Variants in SRRT observed in about 807,000 individuals in gnomAD.
The protein encoded by SRRT is serrate, RNA effector molecule.
In SRRT, 32 loss-of-function variants were observed where a neutral mutation model predicts 103.2. That is an observed-to-expected ratio of 0.31 (90% confidence interval 0.23 to 0.42). SRRT has a LOEUF of 0.42. SRRT is among the 10% of genes least tolerant of loss of function. The probability of loss-of-function intolerance (pLI) is 1.00; values close to 1 mark genes in which losing one functional copy is unlikely to be tolerated. For synonymous variants in SRRT, 525 were observed against 449.0 expected (o/e 1.17, Z -2.14); for missense variants, 986 against 1,207.5 (o/e 0.82, Z 2.72).
chr7:100,875,580 C>G lies in SRRT; in HGVS notation c.-11C>G. On this transcript the variant is annotated 5_prime_UTR_variant, in exon 2 of 20. Coordinates refer to ENST00000611405, the MANE Select transcript of SRRT (RefSeq NM_015908.6). ...CCTCTCCCCGGTCCCCAGGCCCCCTCAGACCGTGCCATGGGTGACAGTGAT... is the reference window on the plus strand; with the variant it reads ...CCTCTCCCCGGTCCCCAGGCCCCCTGAGACCGTGCCATGGGTGACAGTGAT... 3 of 1,613,856 alleles carry G rather than the reference C, an allele frequency of 1.9e-6. No individual in the cohort carries two copies. The highest frequency in any genetic ancestry group is 1.7e-6 in the Non-Finnish European group (2 of 1,179,820).
At chr7:100,886,997 G>C in intron 14 of SRRT, 29 bp downstream of exon 14, 2 of 1,610,310 alleles carry the variant, frequency 1.2e-6, no homozygotes, top group Non-Finnish European at 1.7e-6. Context: ...GGCACGTGGG[G>C]GCTCGGGCGG....
chr7:100,888,623 T>C lies in SRRT; in HGVS notation c.*74T>C. 6.3e-7 allele frequency: 1 copy of C among 1,590,430 alleles called. No homozygotes were observed. Among genetic ancestry groups the C allele is most frequent in the Non-Finnish European group, 8.6e-7 (1 of 1,158,808 alleles). On this transcript the variant is annotated 3_prime_UTR_variant, in exon 20 of 20. Transcript: ENST00000611405. ...GTCCTATGAAGCTCTGAGAATTTTT[T>C]GTACGATCAGCCTTACTGCTAATAA...
chr7:100,881,196 T>C, intron 2 of SRRT, 89 bp from the exon 3 acceptor site: 2 of 1,453,750 alleles, frequency 1.4e-6, no homozygotes, highest in Non-Finnish European at 1.9e-6. Context: ...GCCTCAAGTG[T>C]TCTCTGCCTC....
In SRRT at chr7:100,885,679, G is replaced by T. The variant is rs758675001; in HGVS notation, c.1318-22G>T. ...GAATGAATCCTTGAGTCACTGTGGG[G>T]CTGCTTTTCTGCTTCTTGCAGCTTT... is the stretch of plus-strand genomic sequence containing the variant. On this transcript the variant is annotated intron_variant, in intron 10 of 19. Transcript: ENST00000611405. The surrounding 1 kb of genome is among the most constrained non-coding windows in gnomAD (Gnocchi z 4.8). The T allele has an allele frequency of 8.8e-6, 14 of 1,596,748 alleles. No homozygotes were observed. Among genetic ancestry groups the T allele is most frequent in the South Asian group, 1.1e-5 (1 of 89,318 alleles).
intron 5 of SRRT, chr7:100,883,171 C>T (rs1047777851): frequency 2.0e-5 from 3 of 152,520 alleles, no homozygotes; most frequent in Non-Finnish European, 4.4e-5. Flanking sequence ...TTCGCTGTCC[C>T]CTCTCTCGAA....
Position 100,885,069 on chromosome 7 carries a change from G to T in SRRT, c.1159+29G>T. 6.2e-7 allele frequency: 1 copy of T among 1,613,234 alleles called. No individual in the cohort carries two copies. The highest frequency in any genetic ancestry group is 8.5e-7 in the Non-Finnish European group (1 of 1,179,850). On this transcript the variant is annotated intron_variant, in intron 9 of 19. Coordinates refer to ENST00000611405, the MANE Select transcript of SRRT (RefSeq NM_015908.6). The surrounding 1 kb of genome is among the most constrained non-coding windows in gnomAD (Gnocchi z 4.8). ...GGGTTTCTTTTCTGCTTTAAAGTGC[G>T]TTCTCCTAATGCGGGTGGGGAGGTG...
At position 100,887,645 on chromosome 7, in the gene SRRT, C is replaced by T. The variant is rs1341173874; in HGVS notation, c.2170-58C>T. 2 of 1,582,228 alleles carry T rather than the reference C, an allele frequency of 1.3e-6. No homozygotes were observed. The highest frequency in any genetic ancestry group is 1.3e-5 in the African/African-American group (1 of 74,306). The stretch of plus-strand genomic sequence containing the variant: ...GAGCTGGGAATCCTTCCAGCTCGGG[C>T]CTGGGAGCGAGGCAACCCTTATGTG... On this transcript the variant is annotated intron_variant, in intron 16 of 19. Coordinates refer to ENST00000611405, the MANE Select transcript of SRRT (RefSeq NM_015908.6). The surrounding 1 kb of genome is among the most constrained non-coding windows in gnomAD (Gnocchi z 4.1).
Position 100,885,457 on chromosome 7 carries a change from G to GC in SRRT, c.1317+92dup, listed in dbSNP as rs3840571. ...CAGTGGGGCCCTGCCTGTGACAGAT[G>GC]CCCCCGTTTCACCTGCTAGGGAGGC... On this transcript the variant is annotated intron_variant, in intron 10 of 19. Transcript: ENST00000611405. This position sits in a 1 kb window ranked among gnomAD's most constrained non-coding sequence, Gnocchi z 4.8. The GC allele has an allele frequency of 0.47, 650,079 of 1,383,808 alleles. 162,801 individuals are homozygous for GC. The highest frequency in any genetic ancestry group is 0.82 in the East Asian group (33,957 of 41,546). The allele number at this position is 1,383,808 out of a possible 1,614,324, so 85.7% of individuals were successfully genotyped here. A position where few individuals can be genotyped will look rare whatever the true frequency, so the allele number is the denominator to read the frequency against.
Position 100,888,563 on chromosome 7 carries a change from C to A in SRRT, c.*14C>A. The stretch of plus-strand genomic sequence containing the variant: ...GATTTCTTTTGAGCCGTCCCCCGTT[C>A]CTCAGTCCTGTATCATCCATACTTG... On this transcript the variant is annotated 3_prime_UTR_variant, in exon 20 of 20. Coordinates refer to ENST00000611405, the MANE Select transcript of SRRT (RefSeq NM_015908.6). The A allele has an allele frequency of 6.2e-7, 1 of 1,614,120 alleles. No homozygotes were observed. Among genetic ancestry groups the A allele is most frequent in the Non-Finnish European group, 8.5e-7 (1 of 1,179,986 alleles).
chr7:100,880,663 T>C, intron 2 of SRRT: 1 of 417,152 alleles, frequency 2.4e-6, no homozygotes, highest in Non-Finnish European at 4.8e-6. Context: ...TAGTAGGGGA[T>C]GATTTTTAAA....
chr7:100,886,508 C>T (rs1790115987), intron 13 of SRRT, 73 bp downstream of exon 13: 2 of 1,450,858 alleles, frequency 1.4e-6, no homozygotes, highest in Non-Finnish European at 1.9e-6. Context: ...CTGACCTTAC[C>T]TATCTGTAGC....
chr7:100,875,804 G>A, intron 2 of SRRT, 92 bp downstream of exon 2: 1 of 1,523,444 alleles, frequency 6.6e-7, no homozygotes. Flanking sequence ...ATTTTTATGA[G>A]GGCGAATCCT....
intron 1 of SRRT, 42 bp from the exon 2 acceptor site, chr7:100,875,531 C>A: frequency 6.2e-7 from 1 of 1,605,634 alleles, no homozygotes; most frequent in Non-Finnish European, 8.5e-7. Flanking sequence ...TTCCTCCGCT[C>A]GTCCTTTTGC....
chr7:100,884,591 C>G, intron 7 of SRRT, 39 bp downstream of exon 7: 1 of 1,493,474 alleles, frequency 6.7e-7, no homozygotes, highest in African/African-American at 1.7e-5. Flanking sequence ...CCCTGGCAGC[C>G]TGGGGGAGGG....
At chr7:100,879,338 A>G (rs1449844617) in intron 2 of SRRT, among the ~76,000 whole-genome samples, 1 of 152,144 alleles carries the variant, frequency 6.6e-6, no homozygotes, top group East Asian at 1.9e-4. Flanking sequence ...GGGCTCAAGC[A>G]ATCCACTGCT....
chr7:100,881,017 T>C (rs1245655433), intron 2 of SRRT, among the ~76,000 whole-genome samples: 1 of 152,184 alleles, frequency 6.6e-6, no homozygotes, highest in Non-Finnish European at 1.5e-5. Context: ...GTAGGCTTTT[T>C]AGTCTGGTAT....
intron 4 of SRRT, 77 bp downstream of exon 4, chr7:100,881,882 C>T: frequency 7.2e-6 from 11 of 1,522,008 alleles, no homozygotes; most frequent in Non-Finnish European, 9.7e-6. Context: ...TGGCTGAAGC[C>T]AGGGAGCGGG....
rs1250905863 is a variant in SRRT, at chr7:100,887,753, T to G, written c.2220T>G (p.Ile740Met). 6.2e-7 allele frequency: 1 copy of G among 1,613,536 alleles called. No individual in the cohort carries two copies. The change falls in exon 17 of 20, where the codon ATT (isoleucine) becomes ATG (methionine). Residue 740 changes from isoleucine to methionine, a missense_variant. Around this residue, in one of 6 missense-constraint regions of SRRT, gnomAD observed 178 missense variants for 189.6 expected, o/e 0.94. Coordinates refer to ENST00000611405, the MANE Select transcript of SRRT (RefSeq NM_015908.6). This position sits in a 1 kb window ranked among gnomAD's most constrained non-coding sequence, Gnocchi z 4.1. ...TCTTCAACAAGCATGCAGAGAAAAT[T>G]GAGGAAGTGAAAAAGGAAGTCGCGT... Reference protein sequence around the residue: ...KHIFNKHAEKIEEVKKEVAFF... With the variant: ...KHIFNKHAEKMEEVKKEVAFF...
intron 8 of SRRT, 27 bp from the exon 9 acceptor site, chr7:100,884,896 T>G: frequency 6.2e-7 from 1 of 1,613,884 alleles, no homozygotes; most frequent in South Asian, 1.1e-5. Flanking sequence ...GCACGCTGAC[T>G]TGTCCCCTCT....
Sources: gnomAD v4.1 joint callset for allele counts (sites outside exome capture counted in the v4.1 genomes callset) on GRCh38, gnomAD v4.1.1 for gene constraint, gnomAD v4.1.1 regional missense constraint, Gnocchi (gnomAD v3.1) non-coding constraint, MANE v1.5 for transcripts, NCBI Gene and HGNC (gene_info 2026-07-23, HGNC 2026-07-21) for gene names.